ABCC9: variants seen among roughly 807,000 people sequenced by gnomAD.
ABCC9 encodes ATP-binding cassette sub-family C member 9.
A neutral mutation model predicts 188.3 loss-of-function variants in ABCC9; 95 were observed. That is an observed-to-expected ratio of 0.50 (90% CI 0.43 to 0.60). The LOEUF (loss-of-function observed/expected upper bound fraction) is 0.60, where lower values mean the gene tolerates loss of function less well. Among genes scored for constraint, ABCC9 ranks in the 20% least tolerant of loss-of-function variants. ABCC9 has a pLI of 0.00. For synonymous variants in ABCC9, 659 were observed against 652.7 expected, an observed-to-expected ratio of 1.01 and a Z score of -0.15; for missense variants, 1,102 against 1,876.3, an observed-to-expected ratio of 0.59 and a Z score of 7.62.
At position 21,820,757 on chromosome 12, in the gene ABCC9, T is replaced by G. The variant is rs58246522; in HGVS notation, c.3670-2506A>C. 2.2e-3 allele frequency among the ~76,000 whole-genome samples: 328 copies of G among 152,254 alleles called. 1 individual carries two copies. Among genetic ancestry groups the G allele is most frequent in the African/African-American group, 7.4e-3 (308 of 41,556 alleles). On this transcript the variant is annotated intron_variant, in intron 31 of 39. Transcript: ENST00000261200. ...CTGGCTCCTTCCCATCATTTGAGGT[T>G]CAACTCAAACATCACCTCCTTGGAA...
At chr12:21,819,329 C>G (rs1287549901) in intron 31 of ABCC9, among the ~76,000 whole-genome samples, 1 of 152,144 alleles carries the variant, frequency 6.6e-6, no homozygotes, top group East Asian at 1.9e-4. Context: ...CAAAAAAAAT[C>G]TCACAACTAG....
intron 39 of ABCC9, among the ~76,000 whole-genome samples, chr12:21,805,705 A>G (rs1045551442): frequency 6.6e-5 from 10 of 152,206 alleles, no homozygotes; most frequent in Admixed American, 4.6e-4. Flanking sequence ...ATTATTTTAT[A>G]TGAACTACCA....
chr12:21,835,630 A>G (rs1041942753), intron 30 of ABCC9, among the ~76,000 whole-genome samples: 1 of 152,116 alleles, frequency 6.6e-6, no homozygotes, highest in Non-Finnish European at 1.5e-5. Context: ...GGCAGATCAT[A>G]TTTTCCACAG....
chr12:21,926,098 T>C (rs1949033787), intron 4 of ABCC9, 35 bp from the exon 5 acceptor site: 2 of 1,613,714 alleles, frequency 1.2e-6, no homozygotes, highest in Non-Finnish European at 1.7e-6. Flanking sequence ...CTAAAGCTGA[T>C]GGTTCCAGAT....
At chr12:21,827,527 AAC>A (rs199954253) in intron 31 of ABCC9, 11,855 of 142,462 alleles carry the variant, frequency 0.083, 458 homozygotes, top group East Asian at 0.13. Flanking sequence ...CTTATAGAAC[AAC>A]ACACACACAC....
intron 12 of ABCC9, among the ~76,000 whole-genome samples, chr12:21,900,964 A>G (rs1214831333): frequency 6.6e-6 from 1 of 152,206 alleles, no homozygotes; most frequent in Non-Finnish European, 1.5e-5. Flanking sequence ...CGCCACAAAG[A>G]TAATCCTCGA....
At chr12:21,880,825 T>C (rs1197212542) in intron 16 of ABCC9, among the ~76,000 whole-genome samples, 4 of 151,994 alleles carry the variant, frequency 2.6e-5, no homozygotes, top group African/African-American at 9.7e-5. Flanking sequence ...CTAGGAAGGT[T>C]GAGGATGCAC....
intron 5 of ABCC9, among the ~76,000 whole-genome samples, chr12:21,921,322 G>A (rs1193003621): frequency 2.0e-5 from 3 of 152,074 alleles, no homozygotes; most frequent in African/African-American, 7.2e-5. Context: ...CCGATGATCA[G>A]TGATATTGAG....
chr12:21,833,712 A>G (rs1310251038), intron 30 of ABCC9, among the ~76,000 whole-genome samples: 2 of 152,138 alleles, frequency 1.3e-5, no homozygotes, highest in Non-Finnish European at 2.9e-5. Flanking sequence ...TCCTGAATCT[A>G]TTCAGATCCT....
chr12:21,882,126 A>G (rs1946654789), intron 16 of ABCC9, among the ~76,000 whole-genome samples: 1 of 152,144 alleles, frequency 6.6e-6, no homozygotes, highest in Admixed American at 6.5e-5. Flanking sequence ...AGAATTGGAT[A>G]TCCTCCAGTA....
At position 21,913,064 on chromosome 12, in the gene ABCC9, T is replaced by C. The variant is rs1190137729; in HGVS notation, c.819A>G (p.Lys273=). The change falls in exon 8 of 40, where the codon AAA becomes AAG. Residue 273 remains lysine, a splice_region_variant and synonymous_variant. Coordinates refer to ENST00000261200, the MANE Select transcript of ABCC9 (RefSeq NM_020297.4). ...TCCGATTTGGATGATCTGCAACTTT[T>C]TTCTGAAGAAAAAAAAAAGAAAAAA... ...CLKDAYEEQK[K]KVADHPNRTP... is the part of the protein sequence containing the mutation. The C allele has an allele frequency of 6.3e-7, 1 of 1,597,896 alleles. No individual in the cohort carries two copies. Among genetic ancestry groups the C allele is most frequent in the East Asian group, 2.2e-5 (1 of 44,770 alleles).
intron 14 of ABCC9, among the ~76,000 whole-genome samples, chr12:21,892,117 T>G (rs934721381): frequency 3.9e-5 from 6 of 152,214 alleles, no homozygotes; most frequent in Non-Finnish European, 7.3e-5. Flanking sequence ...CTGGTCTTTA[T>G]CAAACTGGCA....
chr12:21,887,037 T>A (rs1213313801), intron 15 of ABCC9, among the ~76,000 whole-genome samples: 1 of 152,098 alleles, frequency 6.6e-6, no homozygotes, highest in Non-Finnish European at 1.5e-5. Context: ...GCTTATCAAT[T>A]CCTGCCTCAA....
chr12:21,858,575 T>C (rs1193498117), intron 22 of ABCC9, among the ~76,000 whole-genome samples: 9 of 102,750 alleles, frequency 8.8e-5, no homozygotes, highest in Admixed American at 6.8e-4. Flanking sequence ...CAAGAATCCA[T>C]CTCAAAAAAA....
chr12:21,848,225 T>C lies in ABCC9; in HGVS notation c.2791A>G (p.Thr931Ala), dbSNP rs1301749304. Residue 931 changes from threonine (T) to alanine (A), a missense_variant, in exon 25 of 40, where the codon ACT becomes GCT. By Grantham distance (58) the Thr-to-Ala change is moderately conservative (BLOSUM62 0). Transcript: ENST00000261200. ...CGTCGGAGAGTTTTCCTCTCTAAAG[T>C]AGTTTGGTCAGCTTCCATATCCTGC... ...LEKDMEADQT[T>A]LERKTLRRAM... The C allele has an allele frequency of 6.2e-7, 1 of 1,613,502 alleles. No homozygotes were observed. The highest frequency in any genetic ancestry group is 1.1e-5 in the South Asian group (1 of 91,082).
intron 17 of ABCC9, among the ~76,000 whole-genome samples, chr12:21,874,327 G>A (rs1004356434): frequency 1.3e-5 from 2 of 152,050 alleles, no homozygotes; most frequent in Non-Finnish European, 2.9e-5. Flanking sequence ...CACCTGTTAG[G>A]ATGGCTGTAA....
At chr12:21,887,613 A>G (rs1946945007) in intron 15 of ABCC9, among the ~76,000 whole-genome samples, 1 of 152,138 alleles carries the variant, frequency 6.6e-6, no homozygotes, top group Non-Finnish European at 1.5e-5. Flanking sequence ...CTTGTCTCTT[A>G]GGATAATTTT....
At position 21,800,714 on chromosome 12, in the gene ABCC9, C is replaced by T; in HGVS notation, c.*330G>A. ...TAGTAATACTGACTACTCATTGACA[C>T]TTCCATTCCTGAGAGATATTTACCA... On this transcript the variant is annotated 3_prime_UTR_variant, in exon 40 of 40. Coordinates refer to ENST00000261200, the MANE Select transcript of ABCC9 (RefSeq NM_020297.4). 1 of 338,374 alleles carries T rather than the reference C, an allele frequency of 3.0e-6. No homozygotes were observed. Among genetic ancestry groups the T allele is most frequent in the South Asian group, 2.9e-5 (1 of 35,070 alleles). 21.0% of individuals were successfully genotyped at this position (338,374 alleles called of 1,614,324 possible). A position where few individuals can be genotyped will look rare whatever the true frequency, so the allele number is the denominator to read the frequency against.
intron 20 of ABCC9, among the ~76,000 whole-genome samples, chr12:21,862,323 C>A (rs1945559047): frequency 6.6e-6 from 1 of 152,096 alleles, no homozygotes; most frequent in African/African-American, 2.4e-5. Context: ...CTGAATCTTT[C>A]TGTCTGGTTT....
Sources: gnomAD v4.1 joint callset for allele counts (sites outside exome capture counted in the v4.1 genomes callset) on GRCh38, gnomAD v4.1.1 for gene constraint, MANE v1.5 for transcripts, NCBI Gene and HGNC (gene_info 2026-07-23, HGNC 2026-07-21) for gene names.